TNS4: variants seen among roughly 807,000 people sequenced by gnomAD.
The protein encoded by TNS4 is tensin-4.
In TNS4, 46 loss-of-function variants were observed where a neutral mutation model predicts 70.4. The observed-to-expected ratio is 0.65, with a 90% CI of 0.52 to 0.84. The LOEUF is 0.84. Ranked by LOEUF, TNS4 falls within the 40% of genes least tolerant of loss-of-function variation. TNS4 has a pLI of 0.00. For missense variants in TNS4, 863 were observed against 907.0 expected, an observed-to-expected ratio of 0.95 and a Z score of 0.62; for synonymous variants, 390 against 366.6, an observed-to-expected ratio of 1.06 and a Z score of -0.73.
chr17:40,480,109 G>A lies in TNS4; in HGVS notation c.1742-267C>T, dbSNP rs2035902193. On this transcript the variant is annotated intron_variant, in intron 9 of 12. Transcript: ENST00000254051. ...AGGGGATGTTGCCCTGTGTGTAGAG[G>A]TGCCCAGGAAAACATCCTTCTGTCC... 1.1e-5 allele frequency: 5 copies of A among 450,890 alleles called. No homozygotes were observed. The South Asian group carries it at 1.6e-4, about 14-fold the overall frequency. The allele number at this position is 450,890 out of a possible 1,614,324, so 27.9% of individuals were successfully genotyped here.
rs766899719 is a variant in TNS4 at position 40,487,190 on chromosome 17, G to A, written c.1134C>T (p.Asn378=). Residue 378 remains asparagine, a synonymous_variant, in exon 4 of 13, where the codon AAC becomes AAT. Coordinates refer to ENST00000254051, the MANE Select transcript of TNS4 (RefSeq NM_032865.6). ...SMVDIPIVLI[N]GCPEPGSSPP... is the part of the protein sequence containing the mutation. ...GAGAAGACCCTGGTTCTGGGCAGCC[G>A]TTGATCAGCACAATGGGTATGTCCA... The A allele has an allele frequency of 9.9e-6, 16 of 1,614,080 alleles. No homozygotes were observed. Among genetic ancestry groups the A allele is most frequent in the African/African-American group, 5.3e-5 (4 of 74,930 alleles).
intron 9 of TNS4, 22 bp downstream of exon 9, chr17:40,480,678 C>T (rs768408780): frequency 6.7e-7 from 1 of 1,500,384 alleles, no homozygotes; most frequent in Non-Finnish European, 8.9e-7. Flanking sequence ...AAGCTTGGCG[C>T]CTCCCTTCCT....
Position 40,488,831 on chromosome 17 carries a change from T to C in TNS4, c.578A>G (p.Glu193Gly). The C allele has an allele frequency of 1.2e-6, 2 of 1,611,772 alleles. No homozygotes were observed. The highest frequency in any genetic ancestry group is 2.2e-5 in the East Asian group (1 of 44,780). Residue 193 changes from glutamate (E) to glycine (G), a missense_variant, in exon 3 of 13, where the codon GAG becomes GGG. By Grantham distance (98) the Glu-to-Gly change is moderately conservative. Transcript: ENST00000254051. ...GLLLSRDVPR[E>G]TRSSSESLIF... Reference sequence around the variant, plus strand: ...GAGGCTCTCACTGCTGCTTCGTGTCTCTCGGGGGACGTCTCTGGAAAGGAG... The same window carrying C: ...GAGGCTCTCACTGCTGCTTCGTGTCCCTCGGGGGACGTCTCTGGAAAGGAG...
In TNS4 at chr17:40,477,696, C is replaced by T. The variant is rs754281000; in HGVS notation, c.2040G>A (p.Glu680=). Residue 680 remains glutamate, a synonymous_variant, in exon 13 of 13, where the codon GAG becomes GAA. Coordinates refer to ENST00000254051, the MANE Select transcript of TNS4 (RefSeq NM_032865.6). ...AGAGGTGGCATACGTTCTCCTGAGG[C>T]TCTGTCTGGCTCTTGGCCACAAACC... ...IFGFVAKSQT[E]PQENVCHLFA... 1.2e-6 allele frequency: 2 copies of T among 1,613,800 alleles called. No individual in the cohort carries two copies. The highest frequency in any genetic ancestry group is 1.7e-6 in the Non-Finnish European group (2 of 1,180,010).
intron 2 of TNS4, among the ~76,000 whole-genome samples, chr17:40,492,479 C>T (rs565833804): frequency 6.6e-6 from 1 of 152,244 alleles, no homozygotes; most frequent in South Asian, 2.1e-4. Flanking sequence ...AGTGATTCTC[C>T]CACCTCAGCC....
intron 10 of TNS4, among the ~76,000 whole-genome samples, 187 bp downstream of exon 10, chr17:40,479,487 T>A (rs1185784430): frequency 1.3e-5 from 2 of 152,202 alleles, no homozygotes; most frequent in African/African-American, 4.8e-5. Context: ...GAACAGGGGC[T>A]TTGGCAGTGG....
In TNS4 at chr17:40,484,480, A is replaced by T. The variant is rs1377393063; in HGVS notation, c.1501+4T>A. ...CTTGAGTGAGCACAGAGACAGACGC[A>T]TACCTGGTCGACTCTGAGCAGACGC... On this transcript the variant is annotated splice_donor_region_variant and intron_variant, in intron 6 of 12. Transcript: ENST00000254051. The T allele has an allele frequency of 6.2e-7, 1 of 1,609,630 alleles. No individual in the cohort carries two copies. The highest frequency in any genetic ancestry group is 1.7e-5 in the Admixed American group (1 of 60,024).
At chr17:40,489,047 A>C in intron 2 of TNS4, 78 bp from the exon 3 acceptor site, 3 of 1,356,434 alleles carry the variant, frequency 2.2e-6, no homozygotes, top group Non-Finnish European at 3.0e-6. Flanking sequence ...AAGTATCCTC[A>C]AGGTCATTCT....
intron 2 of TNS4, among the ~76,000 whole-genome samples, chr17:40,491,357 A>G (rs180940254): frequency 2.0e-4 from 30 of 152,224 alleles, no homozygotes; most frequent in South Asian, 6.2e-4. Flanking sequence ...CCTCATGACA[A>G]CTCTGTGGAA....
In TNS4 at chr17:40,476,272, T is replaced by TC. The variant is rs1296314535; in HGVS notation, c.*1315dup. ...TGGGTGTGGGATAGAGCCCAGCTCC[T>TC]CCAAGCCTCTTAGGGAAGCGGCCTC... On this transcript the variant is annotated 3_prime_UTR_variant, in exon 13 of 13. Transcript: ENST00000254051. 6.6e-6 allele frequency: 1 copy of TC among 152,000 alleles called. No homozygotes were observed. Among genetic ancestry groups the TC allele is most frequent in the African/African-American group, 2.4e-5 (1 of 41,344 alleles). 9.4% of individuals were successfully genotyped at this position (152,000 alleles called of 1,614,324 possible).
chr17:40,491,805 C>T (rs1037321), intron 2 of TNS4, among the ~76,000 whole-genome samples: 5,616 of 152,062 alleles, frequency 0.037, 152 homozygotes, highest in Non-Finnish European at 0.058. Context: ...TGGGTGCCGG[C>T]GCCAGCCCCA....
At chr17:40,480,844 C>T (rs772997413) in intron 8 of TNS4, 76 bp from the exon 9 acceptor site, 2 of 1,499,786 alleles carry the variant, frequency 1.3e-6, no homozygotes, top group East Asian at 4.9e-5. Flanking sequence ...AGGAACAGGC[C>T]TCATGAATCC....
intron 9 of TNS4, 69 bp from the exon 10 acceptor site, chr17:40,479,911 G>C: frequency 5.3e-6 from 8 of 1,496,142 alleles, no homozygotes; most frequent in Non-Finnish European, 7.1e-6. Flanking sequence ...CCCAGGGCCA[G>C]GGGAGGGGGT....
At chr17:40,495,874 G>A in intron 2 of TNS4, 113 bp downstream of exon 2, 1 of 1,216,122 alleles carries the variant, frequency 8.2e-7, no homozygotes, top group Non-Finnish European at 1.1e-6. Flanking sequence ...GGTTAGGTTT[G>A]CACAGCACCT....
At chr17:40,490,589 G>A (rs779525837) in intron 2 of TNS4, among the ~76,000 whole-genome samples, 1 of 152,208 alleles carries the variant, frequency 6.6e-6, no homozygotes. Context: ...CTCCTGGGTA[G>A]GGCCATCTGG....
chr17:40,480,128 T>G, intron 9 of TNS4: 1 of 407,990 alleles, frequency 2.5e-6, no homozygotes, highest in South Asian at 4.7e-5. Context: ...AAAACATCCT[T>G]CTGTCCACAC....
intron 2 of TNS4, among the ~76,000 whole-genome samples, chr17:40,491,804 G>A (rs935877838): frequency 1.3e-5 from 2 of 152,190 alleles, no homozygotes; most frequent in Non-Finnish European, 2.9e-5. Context: ...GTGGGTGCCG[G>A]CGCCAGCCCC....
intron 2 of TNS4, among the ~76,000 whole-genome samples, chr17:40,490,210 G>A (rs897643271): frequency 6.6e-6 from 1 of 152,244 alleles, no homozygotes; most frequent in Non-Finnish European, 1.5e-5. Context: ...CTGCCGACGC[G>A]CTCCAGCGCT....
At chr17:40,486,107 G>C (rs576150537) in intron 4 of TNS4, among the ~76,000 whole-genome samples, 10 of 152,330 alleles carry the variant, frequency 6.6e-5, no homozygotes, top group African/African-American at 2.4e-4. Flanking sequence ...TCTGCTCATG[G>C]GAGAGGCATC....
Sources: gnomAD v4.1 joint callset for allele counts (sites outside exome capture counted in the v4.1 genomes callset) on GRCh38, gnomAD v4.1.1 for gene constraint, MANE v1.5 for transcripts, NCBI Gene and HGNC (gene_info 2026-07-23, HGNC 2026-07-21) for gene names.